NECTIN3: variants seen among roughly 807,000 people sequenced by gnomAD.
NECTIN3 encodes nectin-3.
NECTIN3 carries 8 observed loss-of-function variants against 49.4 expected under a neutral mutation model. That is an observed-to-expected ratio of 0.16 (90% CI 0.10 to 0.29). The LOEUF (loss-of-function observed/expected upper bound fraction) is 0.29. Among genes scored for constraint, NECTIN3 ranks in the 10% least tolerant of loss-of-function variants. NECTIN3 has a pLI of 1.00. For synonymous variants in NECTIN3, 277 were observed against 241.1 expected, an observed-to-expected ratio of 1.15 and a Z score of -1.38; for missense variants, 581 against 654.6, an observed-to-expected ratio of 0.89 and a Z score of 1.23.
intron 1 of NECTIN3, chr3:111,193,133 G>C: frequency 7.3e-7 from 1 of 1,377,410 alleles, no homozygotes; most frequent in Non-Finnish European, 9.9e-7. Flanking sequence ...ATTCTTGCCT[G>C]TTTTTACCAG....
At position 111,137,440 on chromosome 3, in the gene NECTIN3, TTTTTG is replaced by T. The variant is rs958861427; in HGVS notation, c.*3250_*3254del. 2.7e-4 allele frequency: 259 copies of T among 950,118 alleles called. 1 individual carries two copies. The South Asian group carries it at 3.4e-3, about 13-fold the overall frequency. The allele number at this position is 950,118 out of a possible 1,614,324, so 58.9% of individuals were successfully genotyped here. On this transcript the variant is annotated 3_prime_UTR_variant, in exon 6 of 6. Transcript: ENST00000485303. ...GTTTTGGTTTTGTTGTGTTTGGTGT[TTTTTG>T]TTTTGTTTTGTTTTGTTTTGTTTTT...
chr3:111,139,552 A>G (rs1039572874), downstream of NECTIN3, among the ~76,000 whole-genome samples: 1 of 151,794 alleles, frequency 6.6e-6, no homozygotes, highest in African/African-American at 2.4e-5. Flanking sequence ...TCCATCAGAA[A>G]GTACATGCCT....
At chr3:111,126,896 AT>A (rs2034183448) in intron 5 of NECTIN3, among the ~76,000 whole-genome samples, 1 of 152,112 alleles carries the variant, frequency 6.6e-6, no homozygotes, top group African/African-American at 2.4e-5. Flanking sequence ...AATAGCTTAG[AT>A]TTTTCACATT....
chr3:111,131,143 CT>C (rs1160858405), intron 5 of NECTIN3, among the ~76,000 whole-genome samples: 2 of 151,740 alleles, frequency 1.3e-5, no homozygotes, highest in Non-Finnish European at 2.9e-5. Flanking sequence ...AAAAATATAC[CT>C]TAGAAGACTA....
intron 7 of NECTIN3, among the ~76,000 whole-genome samples, chr3:111,167,282 A>G (rs1272975157): frequency 2.0e-5 from 3 of 152,236 alleles, no homozygotes; most frequent in African/African-American, 7.2e-5. Flanking sequence ...ATTTTAAGAA[A>G]GGCATTAGAA....
upstream of NECTIN3, among the ~76,000 whole-genome samples, chr3:111,189,656 A>G (rs2035779746): frequency 6.6e-6 from 1 of 152,228 alleles, no homozygotes; most frequent in South Asian, 2.1e-4. Context: ...GCTGATTTTA[A>G]TATAAGGTAT....
intron 1 of NECTIN3, among the ~76,000 whole-genome samples, chr3:111,096,991 C>T (rs1165719118): frequency 6.6e-6 from 1 of 152,142 alleles, no homozygotes; most frequent in Non-Finnish European, 1.5e-5. Flanking sequence ...CCACTGTCCT[C>T]CAGACCCCAG....
intron 3 of NECTIN3, among the ~76,000 whole-genome samples, chr3:111,120,784 G>C (rs1185098900): frequency 6.6e-6 from 1 of 151,778 alleles, no homozygotes; most frequent in Non-Finnish European, 1.5e-5. Flanking sequence ...CACTTCATTG[G>C]GGAAGCCTTT....
chr3:111,174,923 G>A (rs1317305394), intron 7 of NECTIN3, among the ~76,000 whole-genome samples: 3 of 152,084 alleles, frequency 2.0e-5, no homozygotes, highest in Admixed American at 6.5e-5. Flanking sequence ...CCAGTGTCCC[G>A]GTAGAATTGG....
At chr3:111,140,991 G>T (rs981308013), downstream of NECTIN3, among the ~76,000 whole-genome samples, 1 of 151,764 alleles carries the variant, frequency 6.6e-6, no homozygotes, top group Non-Finnish European at 1.5e-5. Context: ...CTACTTTGGG[G>T]GATTTTGCTA....
intron 1 of NECTIN3, among the ~76,000 whole-genome samples, chr3:111,098,508 GT>G (rs2032719530): frequency 1.3e-5 from 2 of 152,072 alleles, no homozygotes; most frequent in African/African-American, 4.8e-5. Context: ...GTTTTTTCCT[GT>G]GTCTTTACAT....
chr3:111,145,129 G>A (rs2034843241), intron 6 of NECTIN3: 1 of 1,353,900 alleles, frequency 7.4e-7, no homozygotes, highest in South Asian at 1.4e-5. Context: ...AAGAACTTAA[G>A]GGATAGAAGT....
intron 1 of NECTIN3, among the ~76,000 whole-genome samples, chr3:111,073,661 T>A (rs1474544779): frequency 6.6e-6 from 1 of 152,196 alleles, no homozygotes; most frequent in East Asian, 1.9e-4. Flanking sequence ...TTGCTTACAG[T>A]TGAGTGAGAG....
chr3:111,142,763 T>A (rs1361573758), intron 5 of NECTIN3, among the ~76,000 whole-genome samples: 1 of 151,690 alleles, frequency 6.6e-6, no homozygotes, highest in Non-Finnish European at 1.5e-5. Flanking sequence ...TTAGCCCCAC[T>A]CAAAGAGTAA....
chr3:111,140,716 G>A (rs1356031663), downstream of NECTIN3, among the ~76,000 whole-genome samples: 1 of 151,664 alleles, frequency 6.6e-6, no homozygotes, highest in African/African-American at 2.4e-5. Flanking sequence ...CTCATAAATC[G>A]TGTCACAAGA....
At chr3:111,113,080 T>C (rs1000844593) in intron 2 of NECTIN3, among the ~76,000 whole-genome samples, 1 of 152,196 alleles carries the variant, frequency 6.6e-6, no homozygotes, top group Admixed American at 6.5e-5. Flanking sequence ...ACTGGCAGTG[T>C]GGGTAGCTGA....
chr3:111,161,142 A>G (rs1344826042), intron 7 of NECTIN3, among the ~76,000 whole-genome samples: 3 of 152,244 alleles, frequency 2.0e-5, no homozygotes, highest in East Asian at 3.8e-4. Flanking sequence ...AATGTTAGAT[A>G]TATGTGAGCT....
chr3:111,176,538 T>TA, intron 7 of NECTIN3, among the ~76,000 whole-genome samples: 1 of 152,318 alleles, frequency 6.6e-6, no homozygotes, highest in African/African-American at 2.4e-5. Context: ...GTTTTATATT[T>TA]AAAAAATTGG....
chr3:111,174,950 G>GTGGA (rs943983066), intron 7 of NECTIN3, among the ~76,000 whole-genome samples: 1 of 152,118 alleles, frequency 6.6e-6, no homozygotes, highest in African/African-American at 2.4e-5. Context: ...CACGGACTCA[G>GTGGA]TGGATGAGTG....
Sources: gnomAD v4.1 joint callset for allele counts (sites outside exome capture counted in the v4.1 genomes callset) on GRCh38, gnomAD v4.1.1 for gene constraint, MANE v1.5 for transcripts, NCBI Gene and HGNC (gene_info 2026-07-23, HGNC 2026-07-21) for gene names.